AGBL1: variants seen among roughly 807,000 people sequenced by gnomAD.
AGBL1 encodes cytosolic carboxypeptidase 4.
A neutral mutation model predicts 118.9 loss-of-function variants in AGBL1; 130 were observed. That is an observed-to-expected ratio of 1.09 (90% CI 0.95 to 1.26). The LOEUF (loss-of-function observed/expected upper bound fraction) is 1.26, where lower values mean the gene tolerates loss of function less well. AGBL1 is among the 50% of genes most tolerant of loss of function. The pLI is 0.00. For missense variants in AGBL1, 1,584 were observed against 1,298.1 expected (o/e 1.22, Z -3.38); for synonymous variants, 555 against 478.9 (o/e 1.16, Z -2.08).
At chr15:86,859,434 T>G (rs2079529584) in intron 22 of AGBL1, among the ~76,000 whole-genome samples, 1 of 152,164 alleles carries the variant, frequency 6.6e-6, no homozygotes, top group South Asian at 2.1e-4. Context: ...AATGTTGTCA[T>G]CATATAGAAG....
chr15:86,933,766 C>T (rs1160471702), intron 23 of AGBL1, among the ~76,000 whole-genome samples: 3 of 152,206 alleles, frequency 2.0e-5, no homozygotes, highest in Admixed American at 6.5e-5. Context: ...ACCACTAAGT[C>T]TTCTCTTACA....
At chr15:86,465,075 G>A (rs1243599521) in intron 18 of AGBL1, among the ~76,000 whole-genome samples, 1 of 152,038 alleles carries the variant, frequency 6.6e-6, no homozygotes, top group Non-Finnish European at 1.5e-5. Flanking sequence ...TGGGAAGTCA[G>A]GGAATCCGAA....
intron 1 of AGBL1, among the ~76,000 whole-genome samples, chr15:86,089,091 AT>A (rs1256563415): frequency 1.3e-5 from 2 of 152,206 alleles, no homozygotes; most frequent in Admixed American, 6.5e-5. Flanking sequence ...GGAAATAAAA[AT>A]TTTTTTGGCA....
chr15:86,749,792 G>A (rs2077818035), intron 22 of AGBL1, among the ~76,000 whole-genome samples: 1 of 152,166 alleles, frequency 6.6e-6, no homozygotes, highest in African/African-American at 2.4e-5. Context: ...CTTTGGTTCT[G>A]TTTATATGCT....
Position 86,675,574 on chromosome 15 carries a change from C to A in AGBL1, c.3158+1138C>A, listed in dbSNP as rs1443488972. ...TTGCTGATTTATTTTGACATCACAA[C>A]CACTTCTGCCTGCCCCTGGTCCCTT... On this transcript the variant is annotated intron_variant, in intron 22 of 22. Transcript: ENST00000614907. 2.6e-5 allele frequency among the ~76,000 whole-genome samples: 4 copies of A among 152,140 alleles called. No homozygotes were observed. In the East Asian group the frequency reaches 7.7e-4, roughly 29 times the overall value.
At chr15:86,708,628 G>A (rs1433627374) in intron 22 of AGBL1, among the ~76,000 whole-genome samples, 1 of 152,076 alleles carries the variant, frequency 6.6e-6, no homozygotes, top group African/African-American at 2.4e-5. Flanking sequence ...CTTTGCAAAA[G>A]CCCTGTGTTA....
chr15:86,215,226 T>C (rs1333858723), intron 5 of AGBL1, among the ~76,000 whole-genome samples: 1 of 74,980 alleles, frequency 1.3e-5, no homozygotes. Flanking sequence ...TATGTATGCG[T>C]GTGTGTGTGT....
intron 23 of AGBL1, among the ~76,000 whole-genome samples, chr15:86,970,399 A>T (rs1015205320): frequency 6.6e-6 from 1 of 151,938 alleles, no homozygotes; most frequent in Non-Finnish European, 1.5e-5. Context: ...GCACTTTACT[A>T]TGTGCATTAA....
At chr15:86,250,868 C>T (rs1426155669) in intron 7 of AGBL1, among the ~76,000 whole-genome samples, 1 of 152,180 alleles carries the variant, frequency 6.6e-6, no homozygotes, top group African/African-American at 2.4e-5. Flanking sequence ...GGATGGCCAA[C>T]TTAGGGGCCT....
chr15:86,871,620 C>T (rs1010308108), intron 22 of AGBL1, among the ~76,000 whole-genome samples: 1 of 152,304 alleles, frequency 6.6e-6, no homozygotes, highest in South Asian at 2.1e-4. Context: ...TTGCCTCAGA[C>T]TTGGGGTCCC....
At chr15:86,801,010 G>T (rs771359327) in intron 22 of AGBL1, among the ~76,000 whole-genome samples, 2 of 151,964 alleles carry the variant, frequency 1.3e-5, no homozygotes, top group Non-Finnish European at 2.9e-5. Context: ...TCCAACAAAA[G>T]GTCGTTGAGT....
chr15:87,029,129 G>GA (rs2081762609), downstream of AGBL1: 1 of 286,996 alleles, frequency 3.5e-6, no homozygotes, highest in South Asian at 1.5e-4. Context: ...TTAACTAAAT[G>GA]AATGAAAGAA....
At chr15:86,627,001 C>T (rs1233733524) in intron 21 of AGBL1, among the ~76,000 whole-genome samples, 26 of 145,834 alleles carry the variant, frequency 1.8e-4, no homozygotes, top group Non-Finnish European at 3.1e-4. Context: ...CAACGACCAG[C>T]TAATTTTTTT....
At chr15:86,149,192 G>A (rs879431659) in intron 3 of AGBL1, among the ~76,000 whole-genome samples, 5 of 152,216 alleles carry the variant, frequency 3.3e-5, no homozygotes, top group African/African-American at 7.2e-5. Flanking sequence ...TGTAAAGACC[G>A]TTGATGCTAG....
At chr15:86,624,251 T>A (rs2084851974) in intron 21 of AGBL1, among the ~76,000 whole-genome samples, 1 of 152,208 alleles carries the variant, frequency 6.6e-6, no homozygotes, top group Non-Finnish European at 1.5e-5. Context: ...GAAGTCACAA[T>A]CAAGAGCAAG....
chr15:86,648,449 A>C (rs2142487897), intron 21 of AGBL1, among the ~76,000 whole-genome samples: 1 of 152,330 alleles, frequency 6.6e-6, no homozygotes, highest in Middle Eastern at 3.4e-3. Flanking sequence ...AGCCACTGGA[A>C]GAATGGAGTT....
intron 19 of AGBL1, among the ~76,000 whole-genome samples, chr15:86,525,352 C>G (rs1012869240): frequency 6.6e-6 from 1 of 152,022 alleles, no homozygotes; most frequent in African/African-American, 2.4e-5. Context: ...AATGCAATTC[C>G]TATCAAAATA....
rs186665492 is a variant in AGBL1 at position 87,001,822 on chromosome 15, G to T, written c.3323+13734G>T. On this transcript the variant is annotated intron_variant, in intron 24 of 24. Transcript: ENST00000441037. ...CATATCCTTGGCCCACTTTTTGATG[G>T]GGTTGTTTTTTTCTTGTAAATTTGT... is the stretch of plus-strand genomic sequence containing the variant. Among the ~76,000 whole-genome samples, 226 of 151,856 alleles carry T rather than the reference G, an allele frequency of 1.5e-3. 4 individuals are homozygous for T. The highest frequency in any genetic ancestry group is 5.1e-3 in the African/African-American group (213 of 41,384).
chr15:86,694,524 G>A (rs1201538746), intron 22 of AGBL1, among the ~76,000 whole-genome samples: 2 of 151,856 alleles, frequency 1.3e-5, no homozygotes, highest in Admixed American at 1.3e-4. Context: ...GTAGGTATAC[G>A]ATCACATCAT....
Sources: gnomAD v4.1 joint callset for allele counts (sites outside exome capture counted in the v4.1 genomes callset) on GRCh38, gnomAD v4.1.1 for gene constraint, MANE v1.5 for transcripts, NCBI Gene and HGNC (gene_info 2026-07-23, HGNC 2026-07-21) for gene names.